Variants in MACROD2 observed in about 807,000 individuals in gnomAD.
The protein encoded by MACROD2 is mono-ADP ribosylhydrolase 2.
Under a neutral mutation model 70.4 loss-of-function variants are expected in MACROD2, and 36 were observed. The observed-to-expected ratio is 0.51, with a 90% CI of 0.39 to 0.68. MACROD2 has a LOEUF of 0.68. Ranked by LOEUF, MACROD2 falls within the 30% of genes least tolerant of loss-of-function variation. The probability of loss-of-function intolerance (pLI) is 0.00; values close to 1 mark genes in which losing one functional copy is unlikely to be tolerated. For synonymous variants in MACROD2, 172 were observed against 178.8 expected (o/e 0.96, Z 0.30); for missense variants, 496 against 538.4 (o/e 0.92, Z 0.78).
intron 5 of MACROD2, among the ~76,000 whole-genome samples, chr20:14,722,488 C>T (rs1328379553): frequency 6.6e-6 from 1 of 152,200 alleles, no homozygotes; most frequent in African/African-American, 2.4e-5. Flanking sequence ...TCCTCACACC[C>T]ACTTGTTCAA....
intron 3 of MACROD2, among the ~76,000 whole-genome samples, chr20:14,188,345 TA>T (rs2081360561): frequency 6.6e-6 from 1 of 152,234 alleles, no homozygotes; most frequent in Admixed American, 6.5e-5. Flanking sequence ...TTTTATTTTT[TA>T]AGTGTTGATG....
intron 7 of MACROD2, among the ~76,000 whole-genome samples, chr20:15,490,644 C>T (rs4814386): frequency 0.58 from 88,614 of 151,956 alleles, 28,036 homozygotes; most frequent in Non-Finnish European, 0.7. Context: ...CGAAGTCCAC[C>T]GGAGTCAAAG....
At chr20:15,118,697 T>A (rs982681445) in intron 5 of MACROD2, among the ~76,000 whole-genome samples, 1 of 152,176 alleles carries the variant, frequency 6.6e-6, no homozygotes, top group African/African-American at 2.4e-5. Flanking sequence ...AGGGTTTAGG[T>A]TGTAGAACAA....
chr20:14,741,619 T>C lies in MACROD2; in HGVS notation c.418+56660T>C, dbSNP rs543273603. Among the ~76,000 whole-genome samples the C allele has an allele frequency of 5.9e-5, 9 of 152,238 alleles. No homozygotes were observed. The East Asian group carries it at 1.5e-3, about 26-fold the overall frequency. ...AAAGGCAATTCCACTATTGACAGGA[T>C]ATAGGAATGATCAAAATTACTTAAC... is the stretch of plus-strand genomic sequence containing the variant. On this transcript the variant is annotated intron_variant, in intron 5 of 17. Transcript: ENST00000684519.
rs566076109 is a variant in MACROD2, at chr20:15,369,918, C to A, written c.541-61487C>A. Among the ~76,000 whole-genome samples, 391 of 152,130 alleles carry A rather than the reference C, an allele frequency of 2.6e-3. 3 individuals are homozygous for A. The highest frequency in any genetic ancestry group is 3.5e-3 in the Non-Finnish European group (241 of 67,934). ...AAAATGTGGCATTTTAATTCTTGCACCTGGAATCATTTCATAATGAAATGC... is the reference window on the plus strand; with the variant it reads ...AAAATGTGGCATTTTAATTCTTGCAACTGGAATCATTTCATAATGAAATGC... On this transcript the variant is annotated intron_variant, in intron 6 of 17. Transcript: ENST00000684519.
chr20:14,086,642 A>G (rs1344111593), intron 3 of MACROD2, among the ~76,000 whole-genome samples: 1 of 152,206 alleles, frequency 6.6e-6, no homozygotes, highest in Non-Finnish European at 1.5e-5. Flanking sequence ...AGGGTGGACC[A>G]AAGTTCAGGG....
At chr20:14,679,068 C>A (rs2070897745) in intron 4 of MACROD2, among the ~76,000 whole-genome samples, 1 of 152,044 alleles carries the variant, frequency 6.6e-6, no homozygotes, top group Non-Finnish European at 1.5e-5. Flanking sequence ...AAAGAATAAG[C>A]CACCTCCTGC....
intron 3 of MACROD2, among the ~76,000 whole-genome samples, chr20:14,223,507 T>A (rs1169743453): frequency 5.5e-3 from 5 of 914 alleles, no homozygotes; most frequent in African/African-American, 7.2e-3. Context: ...CTCTAAATTC[T>A]TTTTTTTTTT....
At chr20:14,515,869 A>G (rs2085091982) in intron 4 of MACROD2, among the ~76,000 whole-genome samples, 1 of 151,614 alleles carries the variant, frequency 6.6e-6, no homozygotes, top group South Asian at 2.1e-4. Flanking sequence ...CCATCACAGA[A>G]AAGAAGTTGG....
rs71190182 is a variant in MACROD2 at position 15,260,343 on chromosome 20, ATT to A, written c.540+30294_540+30295del. 7.4e-3 allele frequency among the ~76,000 whole-genome samples: 1,073 copies of A among 145,618 alleles called. 11 individuals are homozygous for A. Among genetic ancestry groups the A allele is most frequent in the African/African-American group, 0.024 (958 of 39,722 alleles). On this transcript the variant is annotated intron_variant, in intron 6 of 17. Transcript: ENST00000684519. ...TTTTACTTTCTATCTCCATGAGATC[ATT>A]TTTTTTTTTTTAGCTCCCACATATA...
At chr20:14,871,249 G>T (rs1193265558) in intron 5 of MACROD2, among the ~76,000 whole-genome samples, 1 of 152,058 alleles carries the variant, frequency 6.6e-6, no homozygotes, top group Non-Finnish European at 1.5e-5. Flanking sequence ...AGAAAAAAAT[G>T]TTAAAGGCAG....
At chr20:14,448,351 A>G (rs1378745859) in intron 3 of MACROD2, among the ~76,000 whole-genome samples, 1 of 152,014 alleles carries the variant, frequency 6.6e-6, no homozygotes, top group Non-Finnish European at 1.5e-5. Flanking sequence ...CATTCGTTGG[A>G]AAGGGAAAAA....
At chr20:15,787,923 T>C (rs1295441002) in intron 8 of MACROD2, among the ~76,000 whole-genome samples, 1 of 152,194 alleles carries the variant, frequency 6.6e-6, no homozygotes, top group Non-Finnish European at 1.5e-5. Context: ...GCAATGTTTT[T>C]TATTTTACTT....
intron 5 of MACROD2, among the ~76,000 whole-genome samples, chr20:14,976,034 C>T (rs561129662): frequency 1.3e-5 from 2 of 152,214 alleles, no homozygotes; most frequent in South Asian, 4.2e-4. Flanking sequence ...AGGATATTCC[C>T]CAAGAGGTGG....
At chr20:14,856,478 A>G (rs908243083) in intron 5 of MACROD2, among the ~76,000 whole-genome samples, 5 of 152,206 alleles carry the variant, frequency 3.3e-5, no homozygotes, top group Admixed American at 6.5e-5. Context: ...TTGTGTCCAC[A>G]ATAAAAATTG....
intron 5 of MACROD2, among the ~76,000 whole-genome samples, chr20:14,811,188 T>C (rs1468862853): frequency 6.6e-6 from 1 of 152,064 alleles, no homozygotes; most frequent in Non-Finnish European, 1.5e-5. Context: ...CTTCAAAGTA[T>C]ACTACAAGGC....
At chr20:15,206,721 G>GGTTTTTTTTTTTTTTTTTTTT (rs2076706978) in intron 5 of MACROD2, among the ~76,000 whole-genome samples, 1 of 32,990 alleles carries the variant, frequency 3.0e-5, no homozygotes, top group Non-Finnish European at 5.1e-5. Flanking sequence ...TATTATCTAT[G>GGTTTTTTTTTTTTTTTTTTTT]TTTTTTTTTT....
intron 10 of MACROD2, among the ~76,000 whole-genome samples, chr20:15,921,938 C>A (rs2065414532): frequency 1.3e-5 from 2 of 152,210 alleles, no homozygotes; most frequent in South Asian, 4.1e-4. Flanking sequence ...TCTGAGGAGT[C>A]CCACTCCAGG....
intron 5 of MACROD2, among the ~76,000 whole-genome samples, chr20:15,089,545 G>A (rs1016857696): frequency 6.6e-6 from 1 of 152,064 alleles, no homozygotes; most frequent in Non-Finnish European, 1.5e-5. Flanking sequence ...CTTGGAATAA[G>A]CTATAATCTC....
Sources: allele counts gnomAD v4.1 joint callset (sites outside exome capture counted in the v4.1 genomes callset), GRCh38; gene constraint gnomAD v4.1.1; transcripts MANE v1.5; gene names NCBI Gene and HGNC (gene_info 2026-07-23, HGNC 2026-07-21).